ALMS1: variants seen among roughly 807,000 people sequenced by gnomAD.
The protein encoded by ALMS1 is ALMS1 centrosome and basal body associated protein.
Under a neutral mutation model 352.2 loss-of-function variants are expected in ALMS1, and 271 were observed. The observed-to-expected ratio is 0.77, with a 90% CI of 0.70 to 0.85. ALMS1 has a LOEUF of 0.85. Ranked by LOEUF, ALMS1 falls within the 40% of genes least tolerant of loss-of-function variation. ALMS1 has a pLI of 0.00. For missense variants in ALMS1, 5,445 were observed against 4,870.7 expected, an observed-to-expected ratio of 1.12 and a Z score of -3.51; for synonymous variants, 1,865 against 1,761.2, an observed-to-expected ratio of 1.06 and a Z score of -1.48.
rs377572047 is a variant in ALMS1, at chr2:73,573,345, G to A, written c.11468G>A (p.Arg3823Gln). The A allele has an allele frequency of 1.2e-5, 20 of 1,614,050 alleles. No individual in the cohort carries two copies. The East Asian group carries it at 2.0e-4, about 16-fold the overall frequency. ...CAACAGAGGAGATACCTTGAGAAGC[G>A]GAGCAAACACAGCAAGAAAGTGCTG... ...TNQQRRYLEKRSKHSKKVLNT... is the reference protein window; with the variant it reads ...TNQQRRYLEKQSKHSKKVLNT... The change falls in exon 16 of 23, where the codon CGG (arginine) becomes CAG (glutamine). Residue 3823 changes from arginine to glutamine, a missense_variant. Arg to Gln is a conservative substitution (Grantham distance 43). Transcript: ENST00000613296.
rs1313563702 is a variant in ALMS1, at chr2:73,386,279, G to C, written c.324+87G>C. The C allele has an allele frequency of 3.5e-6, 5 of 1,410,852 alleles. No individual in the cohort carries two copies. In the East Asian group the frequency reaches 1.1e-4, roughly 31 times the overall value. The allele number at this position is 1,410,852 out of a possible 1,614,324, so 87.4% of individuals were successfully genotyped here. A position where few individuals can be genotyped will look rare whatever the true frequency, so the allele number is the denominator to read the frequency against. ...AGCGCTCCGCCCGCCCGCAGGTCACGCCGCCTGACGGAGAAAACGCGCGCA... is the reference window on the plus strand; with the variant it reads ...AGCGCTCCGCCCGCCCGCAGGTCACCCCGCCTGACGGAGAAAACGCGCGCA... On this transcript the variant is annotated intron_variant, in intron 1 of 22. Transcript: ENST00000613296.
intron 19 of ALMS1, among the ~76,000 whole-genome samples, 161 bp downstream of exon 19, chr2:73,601,597 T>C (rs553679633): frequency 6.6e-6 from 1 of 152,360 alleles, no homozygotes; most frequent in South Asian, 2.1e-4. Flanking sequence ...GGGTTGGGTT[T>C]CTCATCATCT....
intron 7 of ALMS1, among the ~76,000 whole-genome samples, chr2:73,439,116 C>T (rs1467154219): frequency 7.6e-6 from 1 of 132,146 alleles, no homozygotes. Flanking sequence ...TCCTCCTCCT[C>T]TTTTTTTTTT....
chr2:73,429,139 G>A (rs1671451320), intron 6 of ALMS1, among the ~76,000 whole-genome samples: 1 of 152,056 alleles, frequency 6.6e-6, no homozygotes, highest in South Asian at 2.1e-4. Context: ...AAGTTATGTA[G>A]CATTTATATA....
chr2:73,482,139 C>T (rs1369157191), intron 9 of ALMS1, among the ~76,000 whole-genome samples: 1 of 152,232 alleles, frequency 6.6e-6, no homozygotes, highest in Non-Finnish European at 1.5e-5. Context: ...TGAGAGAGGG[C>T]ATCCCTGTCT....
intron 9 of ALMS1, among the ~76,000 whole-genome samples, chr2:73,462,481 G>A (rs943585884): frequency 9.9e-5 from 15 of 152,094 alleles, no homozygotes; most frequent in Non-Finnish European, 1.5e-4. Flanking sequence ...AGGAACAACT[G>A]GTACCAGCCA....
In ALMS1 at chr2:73,452,986, A is replaced by C; in HGVS notation, c.6459A>C (p.Gln2153His). ...GAGAGAAACCAGATATTTTCTATCA[A>C]AAGGATTTGCCAGATAGACATCTAA... is the stretch of plus-strand genomic sequence containing the variant. Reference protein sequence around the residue: ...SHREKPDIFYQKDLPDRHLTE... With the variant: ...SHREKPDIFYHKDLPDRHLTE... Residue 2153 changes from glutamine (Q) to histidine (H), a missense_variant, in exon 8 of 23, where the codon CAA becomes CAC. Gln to His is a conservative substitution (Grantham distance 24). Coordinates refer to ENST00000613296, the MANE Select transcript of ALMS1 (RefSeq NM_001378454.1). 6.2e-7 allele frequency: 1 copy of C among 1,612,392 alleles called. No individual in the cohort carries two copies. The highest frequency in any genetic ancestry group is 8.5e-7 in the Non-Finnish European group (1 of 1,179,178).
Position 73,452,067 on chromosome 2 carries a change from C to T in ALMS1, c.5540C>T (p.Pro1847Leu). The T allele has an allele frequency of 6.2e-7, 1 of 1,613,968 alleles. No homozygotes were observed. The highest frequency in any genetic ancestry group is 8.5e-7 in the Non-Finnish European group (1 of 1,179,986). ...CAGAAGACTGGAATAAACATCCTGC[C>T]CTCTAATTCCTACCCACAGAGAGAG... ...ADQKTGINIL[P>L]SNSYPQREHS... Residue 1847 changes from proline (P) to leucine (L), a missense_variant, in exon 8 of 23, where the codon CCC (proline) becomes CTC (leucine). Transcript: ENST00000613296.
At chr2:73,502,669 T>C (rs2103922620) in intron 10 of ALMS1, among the ~76,000 whole-genome samples, 1 of 152,148 alleles carries the variant, frequency 6.6e-6, no homozygotes, top group East Asian at 1.9e-4. Context: ...TGTTTTCTCC[T>C]TTTTTCTACT....
intron 15 of ALMS1, among the ~76,000 whole-genome samples, chr2:73,567,847 A>T (rs1367871392): frequency 1.3e-5 from 2 of 152,324 alleles, no homozygotes; most frequent in East Asian, 3.9e-4. Flanking sequence ...GTCTGACAAA[A>T]TCTTGGAGTC....
intron 10 of ALMS1, among the ~76,000 whole-genome samples, chr2:73,494,640 C>T (rs56154726): frequency 0.3 from 46,074 of 151,996 alleles, 8,530 homozygotes; most frequent in African/African-American, 0.53. Flanking sequence ...TTTGAAGAAG[C>T]TTCTTCAATT....
At chr2:73,419,421 T>C (rs1053838180) in intron 3 of ALMS1, 103 bp downstream of exon 3, 1 of 1,078,240 alleles carries the variant, frequency 9.3e-7, no homozygotes, top group African/African-American at 1.6e-5. Context: ...AGGAGCTCTG[T>C]AGAGACCTAC....
rs1265991482 is a variant in ALMS1, at chr2:73,490,452, C to T, written c.8493C>T (p.Ser2831=). 2 of 1,614,022 alleles carry T rather than the reference C, an allele frequency of 1.2e-6. No homozygotes were observed. Among genetic ancestry groups the T allele is most frequent in the Admixed American group, 1.7e-5 (1 of 59,996 alleles). Residue 2831 remains serine, a synonymous_variant, in exon 10 of 23, where the codon AGC becomes AGT. Coordinates refer to ENST00000613296, the MANE Select transcript of ALMS1 (RefSeq NM_001378454.1). ...AGCCCAGTACCAGGGCAAATTGTAGCAATTTCAAGGAAATTCAGATTTCTG... is the reference window on the plus strand; with the variant it reads ...AGCCCAGTACCAGGGCAAATTGTAGTAATTTCAAGGAAATTCAGATTTCTG... ...HSEPSTRANC[S]NFKEIQISDN...
intron 11 of ALMS1, among the ~76,000 whole-genome samples, chr2:73,524,714 A>G (rs758456082): frequency 6.6e-6 from 1 of 152,154 alleles, no homozygotes; most frequent in African/African-American, 2.4e-5. Flanking sequence ...TGGCCTCCCA[A>G]AGTGCTGGAT....
chr2:73,538,770 C>T (rs1270001610), intron 12 of ALMS1, among the ~76,000 whole-genome samples: 1 of 152,190 alleles, frequency 6.6e-6, no homozygotes, highest in Non-Finnish European at 1.5e-5. Context: ...CCTACGCCCA[C>T]GGAGCCTCGC....
At chr2:73,434,425 G>A (rs1671568588) in intron 7 of ALMS1, among the ~76,000 whole-genome samples, 1 of 152,064 alleles carries the variant, frequency 6.6e-6, no homozygotes, top group Non-Finnish European at 1.5e-5. Context: ...TGTTTCATCT[G>A]GTTCAATTTT....
chr2:73,547,851 C>T (rs187556216), intron 12 of ALMS1, among the ~76,000 whole-genome samples: 1 of 152,120 alleles, frequency 6.6e-6, no homozygotes. Flanking sequence ...TTAGACAGTA[C>T]CAGAGATGGT....
At chr2:73,417,321 A>G (rs1671198798) in intron 2 of ALMS1, among the ~76,000 whole-genome samples, 1 of 152,228 alleles carries the variant, frequency 6.6e-6, no homozygotes, top group South Asian at 2.1e-4. Context: ...AAGTTATGTT[A>G]GTACCAGCTA....
At chr2:73,518,755 ATCT>A (rs1390081489) in intron 10 of ALMS1, among the ~76,000 whole-genome samples, 1 of 152,104 alleles carries the variant, frequency 6.6e-6, no homozygotes, top group Non-Finnish European at 1.5e-5. Context: ...CTGCATATAT[ATCT>A]TCTTTTAAAA....
Sources: allele counts gnomAD v4.1 joint callset (sites outside exome capture counted in the v4.1 genomes callset), GRCh38; gene constraint gnomAD v4.1.1; transcripts MANE v1.5; gene names NCBI Gene and HGNC (gene_info 2026-07-23, HGNC 2026-07-21).